The following SYNJ2 variants were observed in gnomAD, a reference collection of about 807,000 sequenced individuals.
The protein encoded by SYNJ2 is synaptojanin 2.
In SYNJ2, 116 loss-of-function variants were observed where a neutral mutation model predicts 141.3. The observed-to-expected ratio is 0.82, with a 90% CI of 0.71 to 0.96. The LOEUF is 0.96. SYNJ2 is among the 40% of genes least tolerant of loss of function. SYNJ2 has a pLI of 0.00. For missense variants in SYNJ2, 1,873 were observed against 1,934.8 expected (o/e 0.97, Z 0.60); for synonymous variants, 745 against 777.7 (o/e 0.96, Z 0.70).
chr6:158,004,580 T>A (rs1777982100), intron 1 of SYNJ2, among the ~76,000 whole-genome samples: 1 of 152,206 alleles, frequency 6.6e-6, no homozygotes, highest in Admixed American at 6.5e-5. Flanking sequence ...ATTTAGCATA[T>A]AATCCAGAAA....
intron 2 of SYNJ2, among the ~76,000 whole-genome samples, chr6:158,025,504 C>T (rs1210382650): frequency 6.6e-6 from 1 of 151,792 alleles, no homozygotes; most frequent in Non-Finnish European, 1.5e-5. Flanking sequence ...GGTAACACCC[C>T]ATCTCTACCA....
At chr6:158,015,325 G>C (rs1778411557) in intron 1 of SYNJ2, among the ~76,000 whole-genome samples, 1 of 152,188 alleles carries the variant, frequency 6.6e-6, no homozygotes, top group Non-Finnish European at 1.5e-5. Context: ...AAGACAATGA[G>C]GTAGAGAGGG....
At chr6:158,059,114 T>G in intron 6 of SYNJ2, 143 bp from the exon 7 acceptor site, 2 of 832,310 alleles carry the variant, frequency 2.4e-6, no homozygotes, top group Non-Finnish European at 3.4e-6. Context: ...TTTCCACGAT[T>G]TGGGTCATGG....
intron 1 of SYNJ2, chr6:158,002,228 G>C (rs1777890792): frequency 1.3e-5 from 2 of 152,294 alleles, no homozygotes; most frequent in African/African-American, 4.8e-5. Flanking sequence ...GCTGAGTGGT[G>C]AAATTGAAGT....
In SYNJ2 at chr6:158,088,982, G is replaced by GA. The variant is rs139104116; in HGVS notation, c.3456+215dup. Among the ~76,000 whole-genome samples, 277 of 152,234 alleles carry GA rather than the reference G, an allele frequency of 1.8e-3. 1 individual carries two copies. Among genetic ancestry groups the GA allele is most frequent in the African/African-American group, 6.4e-3 (266 of 41,554 alleles). The stretch of plus-strand genomic sequence containing the variant: ...TGTTCTAGAAAAAATCACTTTTGAT[G>GA]AAAAATCCCAAATATCCCTGGTTTC... On this transcript the variant is annotated intron_variant, in intron 24 of 26. Transcript: ENST00000355585.
rs1054291454 is a variant in SYNJ2 at position 158,097,245 on chromosome 6, A to C, written c.*881A>C. The C allele has an allele frequency of 4.6e-5, 7 of 152,210 alleles. No homozygotes were observed. Among genetic ancestry groups the C allele is most frequent in the Admixed American group, 2.6e-4 (4 of 15,282 alleles). The allele number at this position is 152,210 out of a possible 1,614,324, so 9.4% of individuals were successfully genotyped here. On this transcript the variant is annotated 3_prime_UTR_variant, in exon 27 of 27. Transcript: ENST00000355585. ...ATACGCGATATTGATTCTCATTGTT[A>C]GAATATGGAGAGTGTTTCAGCCTCG...
chr6:158,042,679 G>A (rs775348425), intron 4 of SYNJ2, among the ~76,000 whole-genome samples: 25 of 152,200 alleles, frequency 1.6e-4, no homozygotes, highest in South Asian at 2.1e-4. Flanking sequence ...TAAAGTGTAC[G>A]GATCATTTGT....
chr6:158,004,419 G>A (rs146554926), intron 1 of SYNJ2, among the ~76,000 whole-genome samples: 323 of 152,262 alleles, frequency 2.1e-3, no homozygotes, highest in African/African-American at 7.3e-3. Context: ...TAATGTATTA[G>A]CATGCTAAGA....
intron 15 of SYNJ2, among the ~76,000 whole-genome samples, chr6:158,072,319 C>A (rs1156846334): frequency 6.6e-6 from 1 of 152,226 alleles, no homozygotes; most frequent in Non-Finnish European, 1.5e-5. Flanking sequence ...GCTGCAATAG[C>A]GAACCGCACA....
Position 158,069,642 on chromosome 6 carries a change from T to G in SYNJ2, c.1909T>G (p.Phe637Val). ...AQLVGVCLYI[F>V]VRPYHVPFIR... ...GCTGGTGGGCGTCTGTCTTTATATC[T>G]TTGTACGTCCATACCATGTCCCGTT... Residue 637 changes from phenylalanine (F) to valine (V), a missense_variant, in exon 14 of 27, where the codon TTT becomes GTT. By Grantham distance (50) the Phe-to-Val change is conservative. Transcript: ENST00000355585. The G allele has an allele frequency of 6.2e-7, 1 of 1,613,950 alleles. No homozygotes were observed. Among genetic ancestry groups the G allele is most frequent in the Non-Finnish European group, 8.5e-7 (1 of 1,179,846 alleles).
At chr6:157,996,545 C>T (rs1777639655) in intron 1 of SYNJ2, among the ~76,000 whole-genome samples, 2 of 152,298 alleles carry the variant, frequency 1.3e-5, no homozygotes, top group South Asian at 2.1e-4. Flanking sequence ...TCTTCACACC[C>T]ACCTGCATGC....
intron 20 of SYNJ2, among the ~76,000 whole-genome samples, chr6:158,082,101 C>G (rs1162895607): frequency 2.0e-5 from 3 of 152,172 alleles, no homozygotes; most frequent in Admixed American, 1.3e-4. Flanking sequence ...AATCCCAGCA[C>G]TTTGTCAGGC....
chr6:158,014,670 C>T (rs571022888), intron 1 of SYNJ2, among the ~76,000 whole-genome samples: 2 of 152,256 alleles, frequency 1.3e-5, no homozygotes, highest in Non-Finnish European at 2.9e-5. Flanking sequence ...CTCTCTGCCC[C>T]ACCAGCTATG....
intron 6 of SYNJ2, among the ~76,000 whole-genome samples, chr6:158,057,756 G>A (rs911391767): frequency 6.6e-6 from 1 of 152,240 alleles, no homozygotes. Flanking sequence ...TGGCTTGGAT[G>A]TGTGGCCACG....
rs564310239 is a variant in SYNJ2, at chr6:158,098,482, C to G, written c.*2118C>G. On this transcript the variant is annotated 3_prime_UTR_variant, in exon 27 of 27. Coordinates refer to ENST00000355585, the MANE Select transcript of SYNJ2 (RefSeq NM_003898.4). ...CGTGGCTGTCAAATTTAGTGAACAA[C>G]ATAGATTGGATTTGGAGTTGGTAGT... 1.2e-4 allele frequency: 18 copies of G among 149,462 alleles called. No homozygotes were observed. In the South Asian group the frequency reaches 3.4e-3, roughly 28 times the overall value. The allele number at this position is 149,462 out of a possible 1,614,324, so 9.3% of individuals were successfully genotyped here.
chr6:158,028,428 G>A, intron 2 of SYNJ2: 2 of 364,404 alleles, frequency 5.5e-6, no homozygotes, highest in South Asian at 3.0e-5. Flanking sequence ...CAGACTCCTG[G>A]GGGCATCAGA....
chr6:158,025,296 C>T (rs1227735564), intron 2 of SYNJ2, among the ~76,000 whole-genome samples: 1 of 152,226 alleles, frequency 6.6e-6, no homozygotes, highest in Non-Finnish European at 1.5e-5. Context: ...CAAACCATCA[C>T]CTTGGGTGTT....
chr6:158,052,453 C>G (rs1780621026), intron 5 of SYNJ2, among the ~76,000 whole-genome samples: 1 of 152,192 alleles, frequency 6.6e-6, no homozygotes, highest in Admixed American at 6.5e-5. Flanking sequence ...GTTTATTTGG[C>G]TCATGGTAAT....
At position 158,080,320 on chromosome 6, in the gene SYNJ2, C is replaced by T. The variant is rs1019377754; in HGVS notation, c.2568-789C>T. On this transcript the variant is annotated intron_variant, in intron 18 of 26. Transcript: ENST00000355585. Reference sequence around the variant, plus strand: ...CAAAACCCCATCTCTACCAAAAATACAAAAATTAGCTGGTCATGGTGGCAT... The same window carrying T: ...CAAAACCCCATCTCTACCAAAAATATAAAAATTAGCTGGTCATGGTGGCAT... 3.9e-5 allele frequency among the ~76,000 whole-genome samples: 6 copies of T among 151,916 alleles called. No individual in the cohort carries two copies. The South Asian group carries it at 1.0e-3, about 26-fold the overall frequency.
Sources: gnomAD v4.1 joint callset for allele counts (sites outside exome capture counted in the v4.1 genomes callset) on GRCh38, gnomAD v4.1.1 for gene constraint, MANE v1.5 for transcripts, NCBI Gene and HGNC (gene_info 2026-07-23, HGNC 2026-07-21) for gene names.